The following SCRIB variants were observed in gnomAD, a reference collection of about 807,000 sequenced individuals.
SCRIB encodes the protein protein scribble homolog.
A neutral mutation model predicts 170.0 loss-of-function variants in SCRIB; 72 were observed. The ratio of observed to expected loss-of-function variants is 0.42; its 90% confidence interval spans 0.35 to 0.52. SCRIB has a LOEUF of 0.52. Ranked by LOEUF, SCRIB falls within the 20% of genes least tolerant of loss-of-function variation. SCRIB has a pLI of 0.02. For synonymous variants in SCRIB, 1,298 were observed against 1,044.3 expected, an observed-to-expected ratio of 1.24 and a Z score of -4.68; for missense variants, 2,475 against 2,338.5, an observed-to-expected ratio of 1.06 and a Z score of -1.20.
rs782371556 is a variant in SCRIB at position 143,807,600 on chromosome 8, G to A, written c.2130C>T (p.Asp710=). ...SAPSVKGVSF[D]QANNLLIEPA... Reference sequence around the variant, plus strand: ...GCTCTATCAGCAGGTTATTGGCCTGGTCAAACGACACTCCCTGTTAGGACA... The same window carrying A: ...GCTCTATCAGCAGGTTATTGGCCTGATCAAACGACACTCCCTGTTAGGACA... Residue 710 remains aspartate, a synonymous_variant, in exon 16 of 37, where the codon GAC becomes GAT. Coordinates refer to ENST00000356994, the MANE Select transcript of SCRIB (RefSeq NM_182706.5). 6.2e-7 allele frequency: 1 copy of A among 1,613,854 alleles called. No individual in the cohort carries two copies. Among genetic ancestry groups the A allele is most frequent in the Non-Finnish European group, 8.5e-7 (1 of 1,179,838 alleles).
rs571164450 is a variant in SCRIB at position 143,807,541 on chromosome 8, G to A, written c.2178+11C>T. 1.2e-5 allele frequency: 20 copies of A among 1,611,246 alleles called. 1 individual carries two copies. The South Asian group carries it at 2.2e-4, about 18-fold the overall frequency. Reference sequence around the variant, plus strand: ...GCGGCCCGGCCAGAGTGCAGAGCGAGCAGTACAGACCTCTTCCTCCTCAAT... The same window carrying A: ...GCGGCCCGGCCAGAGTGCAGAGCGAACAGTACAGACCTCTTCCTCCTCAAT... On this transcript the variant is annotated intron_variant, in intron 16 of 36. Coordinates refer to ENST00000356994, the MANE Select transcript of SCRIB (RefSeq NM_182706.5).
chr8:143,805,062 C>A, intron 19 of SCRIB, 48 bp from the exon 20 acceptor site: 1 of 1,581,756 alleles, frequency 6.3e-7, no homozygotes, highest in Non-Finnish European at 8.6e-7. Flanking sequence ...GGCTGGAGTG[C>A]GGCTGTCAGC....
Position 143,803,751 on chromosome 8 carries a change from G to A in SCRIB, c.3310C>T (p.Gln1104Ter). Residue 1104 changes from glutamine (Q) to a stop codon, truncating the protein, a stop_gained, in exon 23 of 37, where the codon CAG (glutamine) becomes TAG (stop). Coordinates refer to ENST00000356994, the MANE Select transcript of SCRIB (RefSeq NM_182706.5). LOFTEE classifies it high-confidence loss of function. ...APPGLRELCI[Q>*]KAPGERLGIS... ...CCCAGCCTCTCCCCAGGTGCCTTCTGGATGCACAGTTCCCGTAGGCCCGGG... is the reference window on the plus strand; with the variant it reads ...CCCAGCCTCTCCCCAGGTGCCTTCTAGATGCACAGTTCCCGTAGGCCCGGG... The A allele has an allele frequency of 6.2e-7, 1 of 1,600,868 alleles. No individual in the cohort carries two copies. The highest frequency in any genetic ancestry group is 8.5e-7 in the Non-Finnish European group (1 of 1,179,112).
chr8:143,805,427 AC>A lies in SCRIB; in HGVS notation c.2354del (p.Gly785ValfsTer139). 1 of 1,499,708 alleles carries A rather than the reference AC, an allele frequency of 6.7e-7. No homozygotes were observed. The highest frequency in any genetic ancestry group is 8.9e-7 in the Non-Finnish European group (1 of 1,127,042). 92.9% of individuals were successfully genotyped at this position (1,499,708 alleles called of 1,614,324 possible). ...RVGDKLLEVN[G>X]VALQGAEHHE... ...GGTGCTCGGCGCCCTGCAGAGCCACACCATTCACCTGCGGGCCAGGGACCAC... is the reference window on the plus strand; with the variant it reads ...GGTGCTCGGCGCCCTGCAGAGCCACACATTCACCTGCGGGCCAGGGACCAC... On this transcript the variant is annotated frameshift_variant, in exon 19 of 37. Coordinates refer to ENST00000356994, the MANE Select transcript of SCRIB (RefSeq NM_182706.5). LOFTEE classifies it high-confidence loss of function.
intron 13 of SCRIB, 33 bp downstream of exon 13, chr8:143,810,446 C>T (rs774215354): frequency 5.3e-5 from 84 of 1,596,786 alleles, no homozygotes; most frequent in Non-Finnish European, 6.3e-5. Flanking sequence ...CCCGGGTCAG[C>T]GGCCCGCCAG....
In SCRIB at chr8:143,790,935, T is replaced by A. The variant is rs1313343012; in HGVS notation, c.*228A>T. On this transcript the variant is annotated 3_prime_UTR_variant, in exon 37 of 37. Coordinates refer to ENST00000356994, the MANE Select transcript of SCRIB (RefSeq NM_182706.5). ...CAGGCAGACGGGAGGTAAAATGTAG[T>A]CAACTTTATTCTCCTTAAACCACAA... The A allele has an allele frequency of 7.1e-6, 3 of 425,186 alleles. No homozygotes were observed. The highest frequency in any genetic ancestry group is 4.3e-5 in the Admixed American group (1 of 23,046). 26.3% of individuals were successfully genotyped at this position (425,186 alleles called of 1,614,324 possible). A position where few individuals can be genotyped will look rare whatever the true frequency, so the allele number is the denominator to read the frequency against.
At chr8:143,798,402 G>A (rs1554634442) in intron 24 of SCRIB, among the ~76,000 whole-genome samples, 1 of 152,206 alleles carries the variant, frequency 6.6e-6, no homozygotes. Context: ...TCCCAGGCAG[G>A]GTGAACCCTC....
chr8:143,790,997 A>G lies in SCRIB; in HGVS notation c.*166T>C. 1 of 586,460 alleles carries G rather than the reference A, an allele frequency of 1.7e-6. No individual in the cohort carries two copies. Among genetic ancestry groups the G allele is most frequent in the Admixed American group, 4.0e-5 (1 of 25,154 alleles). 36.3% of individuals were successfully genotyped at this position (586,460 alleles called of 1,614,324 possible). On this transcript the variant is annotated 3_prime_UTR_variant, in exon 37 of 37. Coordinates refer to ENST00000356994, the MANE Select transcript of SCRIB (RefSeq NM_182706.5). ...TGGTTGTACAAACATCACTAGTTAC[A>G]GTCTCGCCGAGGTCTCGGCTGGGGT...
Position 143,807,564 on chromosome 8 carries a change from A to G in SCRIB, c.2166T>C (p.Ile722=). ...GAGCAGTACAGACCTCTTCCTCCTCAATGCGAGCAGGCTCTATCAGCAGGT... is the reference window on the plus strand; with the variant it reads ...GAGCAGTACAGACCTCTTCCTCCTCGATGCGAGCAGGCTCTATCAGCAGGT... The part of the protein sequence containing the change: ...ANNLLIEPAR[I]EEEELTLTIL... Residue 722 remains isoleucine, a synonymous_variant, in exon 16 of 37, where the codon ATT becomes ATC. Coordinates refer to ENST00000356994, the MANE Select transcript of SCRIB (RefSeq NM_182706.5). 3 of 1,613,766 alleles carry G rather than the reference A, an allele frequency of 1.9e-6. No individual in the cohort carries two copies. The highest frequency in any genetic ancestry group is 2.5e-6 in the Non-Finnish European group (3 of 1,179,768).
At chr8:143,794,303 T>C (rs1814840163) in intron 27 of SCRIB, 1 of 326,034 alleles carries the variant, frequency 3.1e-6, no homozygotes, top group Non-Finnish European at 5.8e-6. Context: ...GAGCCCCTAC[T>C]TGTGGTGTGC....
intron 14 of SCRIB, 144 bp downstream of exon 14, chr8:143,809,407 C>T: frequency 1.1e-6 from 1 of 945,876 alleles, no homozygotes; most frequent in East Asian, 2.4e-5. Context: ...CCACCCGTAG[C>T]CACTCTGTAC....
At position 143,792,871 on chromosome 8, in the gene SCRIB, G is replaced by T. The variant is rs376176980; in HGVS notation, c.4018-4C>A. 4 of 1,512,798 alleles carry T rather than the reference G, an allele frequency of 2.6e-6. No homozygotes were observed. The highest frequency in any genetic ancestry group is 2.1e-5 in the Admixed American group (1 of 47,554). 93.7% of individuals were successfully genotyped at this position (1,512,798 alleles called of 1,614,324 possible). On this transcript the variant is annotated splice_region_variant and splice_polypyrimidine_tract_variant and intron_variant, in intron 29 of 36. Coordinates refer to ENST00000356994, the MANE Select transcript of SCRIB (RefSeq NM_182706.5). ...CTGCAGGCCCAGGCGTGGGGGGCTG[G>T]GGGGAGCGGACCTTGAGGTTTGGCT...
At chr8:143,806,062 CCT>C (rs782478539) in intron 18 of SCRIB, among the ~76,000 whole-genome samples, 20 of 152,282 alleles carry the variant, frequency 1.3e-4, no homozygotes, top group Non-Finnish European at 2.2e-4. Context: ...TAGCCTGACC[CCT>C]CTCGGTCAGC....
rs369876190 is a variant in SCRIB, at chr8:143,792,290, C to T, written c.4444G>A (p.Glu1482Lys). The T allele has an allele frequency of 3.6e-5, 56 of 1,563,778 alleles. No homozygotes were observed. Among genetic ancestry groups the T allele is most frequent in the African/African-American group, 1.5e-4 (11 of 73,996 alleles). ...RVQSPEPPAP[E>K]RALSPAELRA... ...AGCTCGGCAGGGGACAGGGCACGCT[C>T]GGGTGCCGGTGGCTCCGGACTCTGC... Residue 1482 changes from glutamate to lysine, a missense_variant, in exon 32 of 37, where the codon GAG (glutamate) becomes AAG (lysine). By Grantham distance (56) the Glu-to-Lys change is moderately conservative. Transcript: ENST00000356994.
At chr8:143,810,658 T>C (rs1376621740) in intron 12 of SCRIB, 28 bp downstream of exon 12, 5 of 1,602,012 alleles carry the variant, frequency 3.1e-6, no homozygotes, top group Non-Finnish European at 4.3e-6. Context: ...CAGGCAGAGG[T>C]TCGCCCCCCA....
At chr8:143,809,287 G>A (rs1815592488) in intron 14 of SCRIB, among the ~76,000 whole-genome samples, 2 of 152,092 alleles carry the variant, frequency 1.3e-5, no homozygotes, top group South Asian at 4.1e-4. Flanking sequence ...ACGGGGGTCA[G>A]AAGAGAGTCC....
rs141438973 is a variant in SCRIB, at chr8:143,796,353, C to T, written c.3604-823G>A. 5.0e-4 allele frequency among the ~76,000 whole-genome samples: 76 copies of T among 152,276 alleles called. No homozygotes were observed. The East Asian group carries it at 0.01, about 20-fold the overall frequency. On this transcript the variant is annotated intron_variant, in intron 24 of 36. Transcript: ENST00000356994. ...TCACCGCCCTCATCACAGACGGGGT[C>T]CCTGCAAAATCGAGGAGCTCTCAGT...
chr8:143,813,337 G>A lies in SCRIB; in HGVS notation c.541C>T (p.Leu181=), dbSNP rs968712128. Residue 181 remains leucine, a synonymous_variant, in exon 6 of 37, where the codon CTG becomes TTG. Transcript: ENST00000356994. The stretch of plus-strand genomic sequence containing the variant: ...AGCACTTCCAGATCGTTGCCTCCCA[G>A]ATCCAGCTGTTCCAGCTTGACCAGA... ...SFLVKLEQLD[L]GGNDLEVLPD... 2.5e-6 allele frequency: 4 copies of A among 1,613,506 alleles called. No individual in the cohort carries two copies. The highest frequency in any genetic ancestry group is 3.3e-5 in the Admixed American group (2 of 60,016).
At chr8:143,814,295 G>A (rs527255750) in intron 1 of SCRIB, among the ~76,000 whole-genome samples, 177 bp from the exon 2 acceptor site, 2 of 152,150 alleles carry the variant, frequency 1.3e-5, no homozygotes, top group East Asian at 1.9e-4. Flanking sequence ...AGAAACACAC[G>A]GTACACACGC....
Sources: gnomAD v4.1 joint callset for allele counts (sites outside exome capture counted in the v4.1 genomes callset) on GRCh38, gnomAD v4.1.1 for gene constraint, MANE v1.5 for transcripts, NCBI Gene and HGNC (gene_info 2026-07-23, HGNC 2026-07-21) for gene names.